PI4KB: variants seen among roughly 807,000 people sequenced by gnomAD.
The protein encoded by PI4KB is PtdIns 4-kinase beta.
PI4KB carries 23 observed loss-of-function variants against 81.4 expected under a neutral mutation model. The observed-to-expected ratio is 0.28, with a 90% CI of 0.20 to 0.40. PI4KB has a LOEUF of 0.40. PI4KB is among the 10% of genes least tolerant of loss of function. PI4KB has a pLI of 1.00. For synonymous variants in PI4KB, 381 were observed against 406.8 expected (o/e 0.94, Z 0.76); for missense variants, 651 against 1,036.6 (o/e 0.63, Z 5.11).
At chr1:151,324,205 C>T (rs1337352965) in intron 1 of PI4KB, among the ~76,000 whole-genome samples, 1 of 152,104 alleles carries the variant, frequency 6.6e-6, no homozygotes, top group Non-Finnish European at 1.5e-5. Context: ...AAGTGATCCG[C>T]CCACCTCAGC....
chr1:151,320,668 TAAGA>T (rs904858389), intron 1 of PI4KB, among the ~76,000 whole-genome samples: 2 of 152,162 alleles, frequency 1.3e-5, no homozygotes, highest in African/African-American at 4.8e-5. Context: ...ACAGGAATAA[TAAGA>T]AGGAAGCTTT....
At chr1:151,294,371 C>A in intron 10 of PI4KB, 38 bp downstream of exon 10, 1 of 1,606,416 alleles carries the variant, frequency 6.2e-7, no homozygotes, top group Non-Finnish European at 8.5e-7. Context: ...AGAAAGAATA[C>A]AATGACCCCC....
intron 6 of PI4KB, among the ~76,000 whole-genome samples, chr1:151,302,869 C>T (rs893560068): frequency 3.3e-5 from 5 of 151,718 alleles, no homozygotes; most frequent in African/African-American, 1.2e-4. Context: ...AGGCGTGAGC[C>T]ACCGCACCCA....
intron 5 of PI4KB, among the ~76,000 whole-genome samples, chr1:151,305,125 C>T (rs1407584744): frequency 7.9e-5 from 12 of 152,088 alleles, no homozygotes; most frequent in African/African-American, 1.4e-4. Context: ...CCACCGCACC[C>T]GGCATAATTT....
In PI4KB at chr1:151,312,939, G is replaced by C. The variant is rs375861130; in HGVS notation, c.909+2634C>G. ...AGGCTAAGATGGGAGGATTGCTTGAGCCCAGGAGTTAAAGGCTACAGTGAG... is the reference window on the plus strand; with the variant it reads ...AGGCTAAGATGGGAGGATTGCTTGACCCCAGGAGTTAAAGGCTACAGTGAG... On this transcript the variant is annotated intron_variant, in intron 2 of 11. Coordinates refer to ENST00000368873, the MANE Select transcript of PI4KB (RefSeq NM_001369623.2). 8.8e-4 allele frequency among the ~76,000 whole-genome samples: 134 copies of C among 152,316 alleles called. 5 individuals carry two copies. The South Asian group carries it at 0.027, about 31-fold the overall frequency.
intron 1 of PI4KB, among the ~76,000 whole-genome samples, chr1:151,322,578 G>T (rs964420415): frequency 4.6e-5 from 7 of 151,994 alleles, no homozygotes; most frequent in African/African-American, 1.7e-4. Context: ...AATATGGATT[G>T]GTTTGCACCA....
rs1647837078 is a variant in PI4KB, at chr1:151,315,750, C to T, written c.732G>A (p.Glu244=). 2.5e-6 allele frequency: 4 copies of T among 1,613,822 alleles called. No homozygotes were observed. Among genetic ancestry groups the T allele is most frequent in the Non-Finnish European group, 3.4e-6 (4 of 1,179,822 alleles). ...CCCTCTTCCTGTGAGCTGGCTTTAGCTCATCTGAGAGGATCAGCTTCCGTA... is the reference window on the plus strand; with the variant it reads ...CCCTCTTCCTGTGAGCTGGCTTTAGTTCATCTGAGAGGATCAGCTTCCGTA... ...TKLRKLILSD[E]LKPAHRKREL... Residue 244 remains glutamate, a synonymous_variant, in exon 2 of 12, where the codon GAG becomes GAA. Coordinates refer to ENST00000368873, the MANE Select transcript of PI4KB (RefSeq NM_001369623.2).
At position 151,306,349 on chromosome 1, in the gene PI4KB, A is replaced by C; in HGVS notation, c.1197T>G (p.Ile399Met). 1 of 1,612,908 alleles carries C rather than the reference A, an allele frequency of 6.2e-7. No individual in the cohort carries two copies. The highest frequency in any genetic ancestry group is 8.5e-7 in the Non-Finnish European group (1 of 1,178,938). The change falls in exon 5 of 12, where the codon ATT becomes ATG. Residue 399 changes from isoleucine to methionine, a missense_variant. Around this residue, in one of 5 missense-constraint regions of PI4KB, gnomAD observed 246 missense variants for 430.1 expected, o/e 0.57. Coordinates refer to ENST00000368873, the MANE Select transcript of PI4KB (RefSeq NM_001369623.2). Reference sequence around the variant, plus strand: ...TTTCACATTCAAGGACTTCCACATAAATCAGGTAGGGAGCCTGGGGGAAGA... The same window carrying C: ...TTTCACATTCAAGGACTTCCACATACATCAGGTAGGGAGCCTGGGGGAAGA... ...LNSKDKAPYL[I>M]YVEVLECENF...
intron 3 of PI4KB, among the ~76,000 whole-genome samples, chr1:151,308,484 T>TG (rs1553192090): frequency 6.6e-6 from 1 of 152,184 alleles, no homozygotes; most frequent in Admixed American, 6.5e-5. Flanking sequence ...GGTAGGTAGA[T>TG]GGAGAAAGCA....
intron 8 of PI4KB, 113 bp downstream of exon 8, chr1:151,301,731 A>T: frequency 1.1e-6 from 1 of 935,342 alleles, no homozygotes; most frequent in Non-Finnish European, 1.6e-6. Context: ...ACAGGGTTTC[A>T]CCATCTTGGC....
intron 11 of PI4KB, chr1:151,293,638 T>G (rs1011370199): frequency 1.6e-5 from 5 of 312,208 alleles, no homozygotes; most frequent in Non-Finnish European, 2.5e-5. Context: ...TTCTCAGAGC[T>G]GAAGGGTGGC....
chr1:151,299,669 G>A (rs1312276862), intron 8 of PI4KB, among the ~76,000 whole-genome samples: 1 of 151,890 alleles, frequency 6.6e-6, no homozygotes, highest in Non-Finnish European at 1.5e-5. Context: ...CAGCCTGGGC[G>A]ACAGAGCGAG....
Position 151,292,600 on chromosome 1 carries a change from G to T in PI4KB, c.*252C>A. Reference sequence around the variant, plus strand: ...TTTCTGGAGGGCAGTGAGTCCTGGAGTCAGTCTGGTGGTAATACTGACACA... The same window carrying T: ...TTTCTGGAGGGCAGTGAGTCCTGGATTCAGTCTGGTGGTAATACTGACACA... On this transcript the variant is annotated 3_prime_UTR_variant, in exon 12 of 12. Coordinates refer to ENST00000368873, the MANE Select transcript of PI4KB (RefSeq NM_001369623.2). The T allele has an allele frequency of 2.0e-6, 1 of 507,386 alleles. No homozygotes were observed. Among genetic ancestry groups the T allele is most frequent in the Non-Finnish European group, 3.5e-6 (1 of 282,476 alleles). 31.4% of individuals were successfully genotyped at this position (507,386 alleles called of 1,614,324 possible).
chr1:151,324,756 T>A, intron 1 of PI4KB: 1 of 985,426 alleles, frequency 1.0e-6, no homozygotes. Context: ...TCTCTCTGAA[T>A]TGTTCCTCCC....
chr1:151,326,138 C>T, intron 1 of PI4KB: 3 of 1,606,692 alleles, frequency 1.9e-6, no homozygotes, highest in Non-Finnish European at 2.6e-6. Flanking sequence ...TAACAAAAGC[C>T]TAAAATTAAA....
Position 151,303,062 on chromosome 1 carries a change from G to A in PI4KB, c.1520+479C>T, listed in dbSNP as rs369114943. 8.4e-5 allele frequency among the ~76,000 whole-genome samples: 12 copies of A among 143,014 alleles called. No homozygotes were observed. In the South Asian group the frequency reaches 1.3e-3, roughly 16 times the overall value. The allele number at this position is 143,014 out of a possible 152,430, so 93.8% of individuals were successfully genotyped here. A position where few individuals can be genotyped will look rare whatever the true frequency, so the allele number is the denominator to read the frequency against. Reference sequence around the variant, plus strand: ...CGCCCAGGCTGGAGTGCAGTGGTGCGATCTCGGCTCACTGCAAGCTCCGCC... The same window carrying A: ...CGCCCAGGCTGGAGTGCAGTGGTGCAATCTCGGCTCACTGCAAGCTCCGCC... On this transcript the variant is annotated intron_variant, in intron 6 of 11. Coordinates refer to ENST00000368873, the MANE Select transcript of PI4KB (RefSeq NM_001369623.2).
chr1:151,301,487 T>C (rs1376116911), intron 8 of PI4KB, among the ~76,000 whole-genome samples: 8 of 152,210 alleles, frequency 5.3e-5, no homozygotes, highest in African/African-American at 1.9e-4. Context: ...AAGCTCCGCC[T>C]CCCGGGCTCA....
rs560614054 is a variant in PI4KB at position 151,326,757 on chromosome 1, CA to C, written c.-29+513del. ...AGGAGCTGGCTGGGTAGGTGGGTGA[CA>C]GTGAGGTAATGGAATCAGAAGCAGC... On this transcript the variant is annotated intron_variant, in intron 1 of 11. Transcript: ENST00000368873. Among the ~76,000 whole-genome samples, 11 of 152,132 alleles carry C rather than the reference CA, an allele frequency of 7.2e-5. No individual in the cohort carries two copies. The South Asian group carries it at 2.1e-3, about 29-fold the overall frequency.
intron 1 of PI4KB, among the ~76,000 whole-genome samples, chr1:151,320,834 T>A (rs1648745758): frequency 6.6e-6 from 1 of 152,256 alleles, no homozygotes; most frequent in African/African-American, 2.4e-5. Context: ...CTATGTTTGG[T>A]ACATCCTTTC....
Sources: gnomAD v4.1 joint callset for allele counts (sites outside exome capture counted in the v4.1 genomes callset) on GRCh38, gnomAD v4.1.1 for gene constraint, gnomAD v4.1.1 regional missense constraint, MANE v1.5 for transcripts, NCBI Gene and HGNC (gene_info 2026-07-23, HGNC 2026-07-21) for gene names.